Variants in NELL2 observed in about 807,000 individuals in gnomAD.
NELL2 encodes neural EGFL like 2.
Under a neutral mutation model 109.6 loss-of-function variants are expected in NELL2, and 41 were observed. The ratio of observed to expected loss-of-function variants is 0.37; its 90% CI spans 0.29 to 0.49. The LOEUF is 0.49. NELL2 is among the 20% of genes least tolerant of loss of function. The pLI, the probability that NELL2 is intolerant of heterozygous loss-of-function variation, is 0.98. For synonymous variants in NELL2, 355 were observed against 344.7 expected (o/e 1.03, Z -0.33); for missense variants, 900 against 1,008.3 (o/e 0.89, Z 1.45).
intron 1 of NELL2, among the ~76,000 whole-genome samples, chr12:44,884,416 T>A (rs1197587312): frequency 6.6e-6 from 1 of 152,012 alleles, no homozygotes; most frequent in Non-Finnish European, 1.5e-5. Flanking sequence ...TCCTCTTTCA[T>A]AATCAATAAA....
chr12:44,558,683 A>T (rs902108732), intron 15 of NELL2, among the ~76,000 whole-genome samples: 28 of 152,298 alleles, frequency 1.8e-4, no homozygotes, highest in Non-Finnish European at 3.5e-4. Flanking sequence ...CAAACCACGG[A>T]CCAGGAGATT....
chr12:44,790,876 G>GA (rs1396455502), intron 3 of NELL2, among the ~76,000 whole-genome samples: 3 of 150,702 alleles, frequency 2.0e-5, no homozygotes, highest in East Asian at 2.0e-4. Context: ...TCTTCTATCA[G>GA]AAAAAACAAA....
At chr12:44,636,957 T>C (rs1946660620) in intron 13 of NELL2, among the ~76,000 whole-genome samples, 1 of 152,064 alleles carries the variant, frequency 6.6e-6, no homozygotes, top group Admixed American at 6.6e-5. Context: ...TCAGGGTTTT[T>C]ACTTCTTCCT....
At chr12:44,789,118 C>T (rs1942288908) in intron 3 of NELL2, among the ~76,000 whole-genome samples, 1 of 152,110 alleles carries the variant, frequency 6.6e-6, no homozygotes, top group South Asian at 2.1e-4. Flanking sequence ...TAGGGTCCTG[C>T]CCACTGCTGG....
intron 3 of NELL2, among the ~76,000 whole-genome samples, chr12:44,809,216 G>T (rs1247557650): frequency 1.3e-5 from 2 of 151,908 alleles, no homozygotes; most frequent in Non-Finnish European, 2.9e-5. Context: ...ATGGAAGAAG[G>T]AAACAGTTTC....
chr12:44,555,949 C>A (rs74087607), intron 15 of NELL2, among the ~76,000 whole-genome samples: 6,176 of 152,272 alleles, frequency 0.041, 431 homozygotes, highest in African/African-American at 0.14. Context: ...GCTTTAGGTA[C>A]ACATATACCC....
At chr12:44,830,641 G>A (rs1943857083) in intron 2 of NELL2, among the ~76,000 whole-genome samples, 1 of 152,022 alleles carries the variant, frequency 6.6e-6, no homozygotes, top group Admixed American at 6.5e-5. Context: ...CCCGGTTTCT[G>A]AGCCTGTTAT....
intron 2 of NELL2, among the ~76,000 whole-genome samples, chr12:44,841,455 T>C (rs528064500): frequency 1.4e-4 from 21 of 152,290 alleles, no homozygotes; most frequent in South Asian, 1.2e-3. Context: ...TATGAAACTA[T>C]AAAGCTATGC....
At chr12:44,633,576 T>C (rs1294417414) in intron 13 of NELL2, among the ~76,000 whole-genome samples, 1 of 152,146 alleles carries the variant, frequency 6.6e-6, no homozygotes, top group African/African-American at 2.4e-5. Flanking sequence ...TTCAAAGTCA[T>C]GCCTTTACAA....
intron 13 of NELL2, among the ~76,000 whole-genome samples, chr12:44,647,392 A>G (rs1018085441): frequency 5.9e-5 from 9 of 152,234 alleles, no homozygotes; most frequent in African/African-American, 1.9e-4. Flanking sequence ...TAATCAAGTT[A>G]TTCAACCTCT....
intron 11 of NELL2, among the ~76,000 whole-genome samples, chr12:44,708,229 G>T (rs920291826): frequency 3.3e-5 from 5 of 152,146 alleles, no homozygotes; most frequent in African/African-American, 1.2e-4. Context: ...AAACTTTTCT[G>T]CTACATTTCT....
Position 44,855,274 on chromosome 12 carries a change from T to A in NELL2, c.184+19951A>T, listed in dbSNP as rs539971584. Among the ~76,000 whole-genome samples, 4 of 152,338 alleles carry A rather than the reference T, an allele frequency of 2.6e-5. No individual in the cohort carries two copies. In the South Asian group the frequency reaches 8.3e-4, roughly 32 times the overall value. On this transcript the variant is annotated intron_variant, in intron 2 of 19. Transcript: ENST00000429094. ...AATCACAGGAAACTTCTTAAAAATATAGATTCCTGGGATTCATCCCCAGAA... is the reference window on the plus strand; with the variant it reads ...AATCACAGGAAACTTCTTAAAAATAAAGATTCCTGGGATTCATCCCCAGAA...
chr12:44,860,875 T>C (rs570701075), intron 2 of NELL2, among the ~76,000 whole-genome samples: 7 of 152,320 alleles, frequency 4.6e-5, no homozygotes, highest in African/African-American at 1.2e-4. Flanking sequence ...ACATCCATTG[T>C]ACATGCAAAA....
At chr12:44,728,768 T>C (rs955130023) in intron 9 of NELL2, among the ~76,000 whole-genome samples, 2 of 152,134 alleles carry the variant, frequency 1.3e-5, no homozygotes, top group African/African-American at 4.8e-5. Flanking sequence ...GGAACTGCCA[T>C]CAGACTATCA....
At chr12:44,617,554 T>TAGTGGCGGGCGC (rs1157426830) in intron 13 of NELL2, among the ~76,000 whole-genome samples, 4 of 133,952 alleles carry the variant, frequency 3.0e-5, no homozygotes, top group African/African-American at 1.0e-4. Flanking sequence ...TAGCCGGGCG[T>TAGTGGCGGGCGC]AGTGGCGGGC....
At chr12:44,825,622 T>G (rs1943687493) in intron 2 of NELL2, among the ~76,000 whole-genome samples, 2 of 150,654 alleles carry the variant, frequency 1.3e-5, no homozygotes, top group Non-Finnish European at 3.0e-5. Context: ...TCTCGATCTC[T>G]TGACCTCAGG....
At chr12:44,751,563 G>A (rs922158411) in intron 9 of NELL2, among the ~76,000 whole-genome samples, 1 of 151,970 alleles carries the variant, frequency 6.6e-6, no homozygotes. Context: ...CTGATAATAA[G>A]CTTAAAAATC....
chr12:44,594,252 C>T (rs1944873127), intron 15 of NELL2, among the ~76,000 whole-genome samples: 1 of 152,008 alleles, frequency 6.6e-6, no homozygotes. Flanking sequence ...AACAAACCTG[C>T]ACCTTCTGTA....
intron 15 of NELL2, among the ~76,000 whole-genome samples, chr12:44,561,191 G>C (rs1289827394): frequency 6.6e-6 from 1 of 152,124 alleles, no homozygotes; most frequent in Non-Finnish European, 1.5e-5. Flanking sequence ...AAAATAATAA[G>C]AGCTATTTAT....
Sources: allele counts gnomAD v4.1 joint callset (sites outside exome capture counted in the v4.1 genomes callset), GRCh38; gene constraint gnomAD v4.1.1; transcripts MANE v1.5; gene names NCBI Gene and HGNC (gene_info 2026-07-23, HGNC 2026-07-21).